CFAP46: variants seen among roughly 807,000 people sequenced by gnomAD.
CFAP46 encodes cilia- and flagella-associated protein 46.
In CFAP46, 245 loss-of-function variants were observed where a neutral mutation model predicts 325.7. The observed-to-expected ratio is 0.75, with a 90% CI of 0.68 to 0.84. CFAP46 has a LOEUF of 0.84. CFAP46 is among the 40% of genes least tolerant of loss of function. CFAP46 has a pLI of 0.00. For missense variants in CFAP46, 3,346 were observed against 3,543.0 expected (o/e 0.94, Z 1.41); for synonymous variants, 1,523 against 1,495.9 (o/e 1.02, Z -0.42).
chr10:132,819,122 T>C (rs1278324830), intron 50 of CFAP46, among the ~76,000 whole-genome samples: 2 of 152,124 alleles, frequency 1.3e-5, no homozygotes, highest in African/African-American at 2.4e-5. Flanking sequence ...AACTATCTAA[T>C]TAAGAAATTA....
Position 132,879,613 on chromosome 10 carries a change from T to C in CFAP46, c.3818A>G (p.Glu1273Gly). The change falls in exon 29 of 58, where the codon GAG becomes GGG. Residue 1273 changes from glutamate (E) to glycine (G), a missense_variant. Transcript: ENST00000368586. ...PTPDGEYVAV[E>G]MPPRSPVSEA... is the part of the protein sequence containing the mutation. ...GGACACGGGGCTCCGTGGGGGCATC[T>C]CCACAGCCACGTACTCCCCTGAAAC... 1 of 1,539,868 alleles carries C rather than the reference T, an allele frequency of 6.5e-7. No homozygotes were observed. The highest frequency in any genetic ancestry group is 8.8e-7 in the Non-Finnish European group (1 of 1,142,614).
rs1317418938 is a variant in CFAP46, at chr10:132,922,509, C to T, written c.1456G>A (p.Glu486Lys). 6.5e-7 allele frequency: 1 copy of T among 1,545,280 alleles called. No homozygotes were observed. The highest frequency in any genetic ancestry group is 1.4e-5 in the African/African-American group (1 of 73,108). Residue 486 changes from glutamate (E) to lysine (K), a missense_variant, in exon 12 of 58, where the codon GAG (glutamate) becomes AAG (lysine). Glu to Lys is a moderately conservative substitution (Grantham distance 56). Transcript: ENST00000368586. Reference protein sequence around the residue: ...TTLYQAPERAEDKAIMAVEQA... With the variant: ...TTLYQAPERAKDKAIMAVEQA... ...TCAACGGCCATGATGGCCTTGTCCTCTGCGCGCTCAGGGGCCTGGTATAGC... is the reference window on the plus strand; with the variant it reads ...TCAACGGCCATGATGGCCTTGTCCTTTGCGCGCTCAGGGGCCTGGTATAGC...
intron 26 of CFAP46, among the ~76,000 whole-genome samples, 197 bp from the exon 27 acceptor site, chr10:132,885,483 A>G (rs1846314585): frequency 6.6e-6 from 1 of 151,984 alleles, no homozygotes; most frequent in Non-Finnish European, 1.5e-5. Flanking sequence ...CAGGGTTTTC[A>G]GTCCCCGCTC....
chr10:132,898,635 C>A (rs1364062440), intron 24 of CFAP46: 1 of 395,440 alleles, frequency 2.5e-6, no homozygotes, highest in Admixed American at 3.7e-5. Flanking sequence ...GGGGCCTGTC[C>A]TCCCTGCCTA....
rs145358931 is a variant in CFAP46, at chr10:132,828,835, C to A, written c.7117+4523G>T. 3.8e-3 allele frequency among the ~76,000 whole-genome samples: 581 copies of A among 152,166 alleles called. 7 individuals are homozygous for A. In the South Asian group the frequency reaches 0.061, roughly 16 times the overall value. ...GGACTGCAGCCACTCATGGAGATGCCCTTCCTCCGCTCAGCGTCCTCGTCC... is the reference window on the plus strand; with the variant it reads ...GGACTGCAGCCACTCATGGAGATGCACTTCCTCCGCTCAGCGTCCTCGTCC... On this transcript the variant is annotated intron_variant, in intron 50 of 57. Coordinates refer to ENST00000368586, the MANE Select transcript of CFAP46 (RefSeq NM_001200049.3). This position sits in a 1 kb window ranked among gnomAD's most constrained non-coding sequence, Gnocchi z 4.9.
In CFAP46 at chr10:132,938,756, G is replaced by A; in HGVS notation, c.372-3C>T. The A allele has an allele frequency of 6.2e-7, 1 of 1,610,498 alleles. No individual in the cohort carries two copies. Among genetic ancestry groups the A allele is most frequent in the South Asian group, 1.1e-5 (1 of 90,898 alleles). ...CATTGTACACCAAAAAGTAGTACCT[G>A]CGGCGCGAGCAGAGGAAGCAGAGAG... On this transcript the variant is annotated splice_polypyrimidine_tract_variant and splice_region_variant and intron_variant, in intron 4 of 57. Coordinates refer to ENST00000368586, the MANE Select transcript of CFAP46 (RefSeq NM_001200049.3).
intron 35 of CFAP46, among the ~76,000 whole-genome samples, chr10:132,863,903 C>G (rs563059640): frequency 2.1e-4 from 31 of 147,586 alleles, no homozygotes; most frequent in African/African-American, 7.6e-4. Flanking sequence ...ACACACCTGT[C>G]CCCAGTGCCT....
chr10:132,809,977 C>T (rs545482469), intron 57 of CFAP46, among the ~76,000 whole-genome samples: 94 of 152,320 alleles, frequency 6.2e-4, no homozygotes, highest in Non-Finnish European at 8.7e-4. Flanking sequence ...ATCAAGGGGC[C>T]GTCGGGCACT....
In CFAP46 at chr10:132,885,896, T is replaced by G. The variant is rs1413409329; in HGVS notation, c.3368A>C (p.Asp1123Ala). 6 of 1,549,890 alleles carry G rather than the reference T, an allele frequency of 3.9e-6. No homozygotes were observed. Among genetic ancestry groups the G allele is most frequent in the Non-Finnish European group, 5.2e-6 (6 of 1,146,782 alleles). ...GAGGCCGCCCTCCCAGTCGTCCTGG[T>G]CGGCATGGCTGTGGAAGAGCAGGCC... is the stretch of plus-strand genomic sequence containing the variant. ...LYGLLFHSHADQDDWEGGLKV... is the reference protein window; with the variant it reads ...LYGLLFHSHAAQDDWEGGLKV... The change falls in exon 26 of 58, where the codon GAC becomes GCC. Residue 1123 changes from aspartate to alanine, a missense_variant. Asp to Ala is a moderately radical substitution (Grantham distance 126, BLOSUM62 -2). Transcript: ENST00000368586.
chr10:132,824,198 T>C (rs1591036692), intron 50 of CFAP46, among the ~76,000 whole-genome samples: 2 of 134,246 alleles, frequency 1.5e-5, no homozygotes, highest in East Asian at 2.4e-4. Context: ...GCTGTGTGAG[T>C]GCTGATGTGT....
intron 57 of CFAP46, among the ~76,000 whole-genome samples, chr10:132,810,190 C>T (rs987750746): frequency 2.6e-5 from 4 of 152,182 alleles, no homozygotes; most frequent in Non-Finnish European, 4.4e-5. Flanking sequence ...CCGAGGGTCG[C>T]GCCACGGTGG....
In CFAP46 at chr10:132,919,102, G is replaced by A. The variant is rs1849680696; in HGVS notation, c.1858+213C>T. ...GTGACTGAAGATGGAGTGTGACGAC[G>A]GTGCTCGTGGCTCGGCCGACACAGC... On this transcript the variant is annotated intron_variant, in intron 15 of 57. Transcript: ENST00000368586. The surrounding 1 kb of genome is among the most constrained non-coding windows in gnomAD (Gnocchi z 9.7). Among the ~76,000 whole-genome samples the A allele has an allele frequency of 1.3e-5, 2 of 152,230 alleles. No individual in the cohort carries two copies. The highest frequency in any genetic ancestry group is 2.1e-4 in the South Asian group (1 of 4,830).
rs945249961 is a variant in CFAP46, at chr10:132,884,696, G to A, written c.3627+407C>T. Among the ~76,000 whole-genome samples the A allele has an allele frequency of 2.6e-5, 4 of 151,982 alleles. No homozygotes were observed. The highest frequency in any genetic ancestry group is 9.7e-5 in the African/African-American group (4 of 41,392). ...CATCCCCAGAACGCCCACATCCCAG[G>A]GCCCTGCAGAGCCCTGCTCTCCTGT... On this transcript the variant is annotated intron_variant, in intron 27 of 57. Transcript: ENST00000368586. The surrounding 1 kb of genome is among the most constrained non-coding windows in gnomAD (Gnocchi z 5.4).
At chr10:132,924,671 G>A in intron 11 of CFAP46, 25 bp downstream of exon 11, 3 of 1,461,368 alleles carry the variant, frequency 2.1e-6, no homozygotes, top group South Asian at 1.4e-5. Context: ...CTCTGTGGAG[G>A]ACACAGCACA....
chr10:132,812,658 G>A (rs1276169947), intron 55 of CFAP46, 127 bp downstream of exon 55: 8 of 651,130 alleles, frequency 1.2e-5, no homozygotes, highest in Non-Finnish European at 5.5e-6. Context: ...AGAGGGTGGG[G>A]GGCAGGAGGG....
chr10:132,907,220 C>T (rs1029328119), intron 22 of CFAP46, among the ~76,000 whole-genome samples: 1 of 152,264 alleles, frequency 6.6e-6, no homozygotes, highest in Non-Finnish European at 1.5e-5. Context: ...TTTCATCTTC[C>T]AGGATTATTA....
chr10:132,841,759 C>T (rs1029379627), intron 44 of CFAP46, among the ~76,000 whole-genome samples: 1 of 152,240 alleles, frequency 6.6e-6, no homozygotes, highest in Non-Finnish European at 1.5e-5. Flanking sequence ...CCAGAGCTGC[C>T]TGAGCCACCC....
intron 17 of CFAP46, among the ~76,000 whole-genome samples, chr10:132,913,485 G>C (rs528174015): frequency 3.9e-5 from 6 of 152,310 alleles, no homozygotes; most frequent in Non-Finnish European, 8.8e-5. Context: ...TCTCACAGGA[G>C]CGCGAACCCT....
Position 132,941,011 on chromosome 10 carries a change from G to T in CFAP46, c.356C>A (p.Ala119Asp). 1 of 1,614,144 alleles carries T rather than the reference G, an allele frequency of 6.2e-7. No homozygotes were observed. Among genetic ancestry groups the T allele is most frequent in the Non-Finnish European group, 8.5e-7 (1 of 1,180,006 alleles). Residue 119 changes from alanine (A) to aspartate (D), a missense_variant, in exon 4 of 58, where the codon GCC (alanine) becomes GAC (aspartate). Physicochemically the swap from Ala to Asp is moderately radical, Grantham distance 126 (BLOSUM62 -2). Transcript: ENST00000368586. ...TTTTGCCTACCTCGGTTCTCCTTTG[G>T]CAAAGTTTATGGCCTTCATGTACTC... is the stretch of plus-strand genomic sequence containing the variant. ...VTEYMKAINF[A>D]KGEPRYYFLV...
Sources: allele counts gnomAD v4.1 joint callset (sites outside exome capture counted in the v4.1 genomes callset), GRCh38; gene constraint gnomAD v4.1.1; non-coding constraint Gnocchi (gnomAD v3.1); transcripts MANE v1.5; gene names NCBI Gene and HGNC (gene_info 2026-07-23, HGNC 2026-07-21).